DNAI3: variants seen among roughly 807,000 people sequenced by gnomAD.
DNAI3 encodes the protein WD repeat domain 63.
Under a neutral mutation model 115.5 loss-of-function variants are expected in DNAI3, and 83 were observed. The ratio of observed to expected loss-of-function variants is 0.72; its 90% CI spans 0.60 to 0.86. The LOEUF (loss-of-function observed/expected upper bound fraction) is 0.86, where lower values mean the gene tolerates loss of function less well. Among genes scored for constraint, DNAI3 ranks in the 40% least tolerant of loss-of-function variants. The pLI is 0.00. For missense variants in DNAI3, 1,004 were observed against 1,075.8 expected (o/e 0.93, Z 0.93); for synonymous variants, 320 against 347.0 (o/e 0.92, Z 0.86).
At chr1:85,090,270 A>T (rs1008049575) in intron 8 of DNAI3, 38 bp downstream of exon 8, 1 of 1,207,142 alleles carries the variant, frequency 8.3e-7, no homozygotes, top group African/African-American at 1.6e-5. Flanking sequence ...AATAAAACAT[A>T]AAATGTATAT....
In DNAI3 at chr1:85,132,959, C is replaced by T. The variant is rs772419181; in HGVS notation, c.2637C>T (p.Ile879=). The part of the protein sequence containing the change: ...EKTVLINLGL[I]KVTEKGSYME... ...CTGTTCTTATCAACCTTGGCCTAAT[C>T]AAAGTCACAGAGAAGGGGTCATACA... Residue 879 remains isoleucine, a synonymous_variant, in exon 23 of 23, where the codon ATC becomes ATT. Coordinates refer to ENST00000294664, the MANE Select transcript of DNAI3 (RefSeq NM_145172.5). The T allele has an allele frequency of 8.1e-6, 13 of 1,613,764 alleles. No individual in the cohort carries two copies. In the East Asian group the frequency reaches 2.9e-4, roughly 36 times the overall value.
intron 20 of DNAI3, 51 bp from the exon 21 acceptor site, chr1:85,128,657 A>ATGGTTTTC: frequency 6.8e-7 from 1 of 1,471,314 alleles, no homozygotes; most frequent in Non-Finnish European, 9.4e-7. Context: ...ACTGCTTAAG[A>ATGGTTTTC]TGGTTTTCTG....
chr1:85,071,200 C>T (rs150146848), intron 1 of DNAI3, among the ~76,000 whole-genome samples: 66 of 152,308 alleles, frequency 4.3e-4, no homozygotes, highest in African/African-American at 1.4e-3. Flanking sequence ...CAAGGTTACT[C>T]AGCTGGAAGA....
intron 7 of DNAI3, 99 bp from the exon 8 acceptor site, chr1:85,090,017 A>G (rs919540828): frequency 1.7e-5 from 8 of 466,448 alleles, no homozygotes; most frequent in African/African-American, 1.6e-4. Context: ...ATAATATCCT[A>G]ACATCATTGT....
chr1:85,103,406 G>T (rs1655386893), intron 13 of DNAI3, among the ~76,000 whole-genome samples: 1 of 151,980 alleles, frequency 6.6e-6, no homozygotes. Flanking sequence ...CAACAGTCAT[G>T]GCACACTTTT....
chr1:85,095,389 T>C (rs1655094331), intron 10 of DNAI3, among the ~76,000 whole-genome samples: 1 of 152,196 alleles, frequency 6.6e-6, no homozygotes, highest in African/African-American at 2.4e-5. Flanking sequence ...TAATAGATTC[T>C]AGATACTTTA....
intron 5 of DNAI3, among the ~76,000 whole-genome samples, chr1:85,083,631 AAAAACTACAGAGTAGTATAAC>A (rs951812813): frequency 2.0e-5 from 3 of 151,904 alleles, no homozygotes; most frequent in African/African-American, 7.3e-5. Flanking sequence ...AATGTTTAGA[AAAAACTACAGAGTAGTATAAC>A]AAATATCTAC....
intron 16 of DNAI3, among the ~76,000 whole-genome samples, chr1:85,116,833 T>C (rs1655833158): frequency 1.3e-5 from 2 of 152,188 alleles, no homozygotes; most frequent in African/African-American, 2.4e-5. Context: ...TGGGAAAAGA[T>C]ACGTCTCAAA....
chr1:85,069,034 GA>G (rs1390056982), intron 1 of DNAI3, among the ~76,000 whole-genome samples: 1 of 152,226 alleles, frequency 6.6e-6, no homozygotes, highest in Non-Finnish European at 1.5e-5. Context: ...AGCATGAGAA[GA>G]AATAAATGTT....
chr1:85,091,595 T>C (rs907922681), intron 8 of DNAI3, among the ~76,000 whole-genome samples: 1 of 152,260 alleles, frequency 6.6e-6, no homozygotes, highest in African/African-American at 2.4e-5. Flanking sequence ...GATTTTGTTC[T>C]GGAAGAAAGC....
Position 85,126,531 on chromosome 1 carries a change from A to G in DNAI3, c.2133A>G (p.Ser711=), listed in dbSNP as rs1432641217. 6.2e-7 allele frequency: 1 copy of G among 1,614,088 alleles called. No individual in the cohort carries two copies. Among genetic ancestry groups the G allele is most frequent in the Non-Finnish European group, 8.5e-7 (1 of 1,179,984 alleles). The part of the protein sequence containing the change: ...EGVMTGPLLQ[S]CCAPKRYTSG... ...TAAAGACTGGACCGCTCCTTCAGTC[A>G]TGCTGTGCACCAAAAAGGTACACCT... is the stretch of plus-strand genomic sequence containing the variant. The change falls in exon 20 of 23, where the codon TCA becomes TCG. Residue 711 remains serine (S), a synonymous_variant. Transcript: ENST00000294664.
rs151321014 is a variant in DNAI3 at position 85,126,576 on chromosome 1, T to C, written c.2178T>C (p.Thr726=). ...ACACCTCAGGCCACTGGTCCCTGAC[T>C]CGGCCCGGAGTTTTCTACATCGGCC... is the stretch of plus-strand genomic sequence containing the variant. The part of the protein sequence containing the change: ...KRYTSGHWSL[T]RPGVFYIGRE... Residue 726 remains threonine (T), a synonymous_variant, in exon 20 of 23, where the codon ACT becomes ACC. Coordinates refer to ENST00000294664, the MANE Select transcript of DNAI3 (RefSeq NM_145172.5). 8.1e-5 allele frequency: 130 copies of C among 1,614,160 alleles called. No individual in the cohort carries two copies. In the African/African-American group the frequency reaches 1.6e-3, roughly 20 times the overall value.
chr1:85,084,173 A>ATATATG (rs10679646), intron 5 of DNAI3, among the ~76,000 whole-genome samples: 9 of 139,910 alleles, frequency 6.4e-5, no homozygotes, highest in African/African-American at 1.6e-4. Flanking sequence ...GTATATATAT[A>ATATATG]TGTGTGTGTG....
intron 1 of DNAI3, among the ~76,000 whole-genome samples, chr1:85,068,759 A>G (rs1654175220): frequency 6.6e-6 from 1 of 152,154 alleles, no homozygotes; most frequent in Non-Finnish European, 1.5e-5. Flanking sequence ...CTGTAAGAGG[A>G]TCATACATTC....
In DNAI3 at chr1:85,117,865, T is replaced by C. The variant is rs1655878707; in HGVS notation, c.1917+6T>C. ...AGTTCTTTGTGGGAACAGAGGTAAATTGGGATTATCTGCTTTTAAAATTAA... is the reference window on the plus strand; with the variant it reads ...AGTTCTTTGTGGGAACAGAGGTAAACTGGGATTATCTGCTTTTAAAATTAA... On this transcript the variant is annotated splice_donor_region_variant and intron_variant, in intron 17 of 22. Coordinates refer to ENST00000294664, the MANE Select transcript of DNAI3 (RefSeq NM_145172.5). The C allele has an allele frequency of 6.2e-7, 1 of 1,610,766 alleles. No homozygotes were observed. Among genetic ancestry groups the C allele is most frequent in the Non-Finnish European group, 8.5e-7 (1 of 1,178,052 alleles).
intron 1 of DNAI3, among the ~76,000 whole-genome samples, chr1:85,070,024 A>G (rs543736596): frequency 1.3e-5 from 2 of 152,204 alleles, no homozygotes; most frequent in East Asian, 3.9e-4. Context: ...GCACTTTGGG[A>G]GGCCGAGGCG....
rs966592115 is a variant in DNAI3 at position 85,090,317 on chromosome 1, A to C, written c.857+85A>C. 4.7e-6 allele frequency: 3 copies of C among 639,030 alleles called. No individual in the cohort carries two copies. The African/African-American group carries it at 5.7e-5, about 12-fold the overall frequency. 39.6% of individuals were successfully genotyped at this position (639,030 alleles called of 1,614,324 possible). ...ATAACAGGTCTAAATAAACAATTCC[A>C]TATAGGGTATCTAGATAAAAAGTAT... On this transcript the variant is annotated intron_variant, in intron 8 of 22. Coordinates refer to ENST00000294664, the MANE Select transcript of DNAI3 (RefSeq NM_145172.5).
intron 1 of DNAI3, among the ~76,000 whole-genome samples, chr1:85,068,724 C>T (rs1654173104): frequency 6.6e-6 from 1 of 152,170 alleles, no homozygotes; most frequent in South Asian, 2.1e-4. Flanking sequence ...CCAATTATAT[C>T]ATTCCCAGCC....
At chr1:85,096,064 C>T (rs1571176396) in intron 11 of DNAI3, 44 bp downstream of exon 11, 2 of 1,566,818 alleles carry the variant, frequency 1.3e-6, no homozygotes, top group African/African-American at 2.7e-5. Flanking sequence ...ATGTAGACAA[C>T]CTTTGGTAAT....
Sources: allele counts gnomAD v4.1 joint callset (sites outside exome capture counted in the v4.1 genomes callset), GRCh38; gene constraint gnomAD v4.1.1; transcripts MANE v1.5; gene names NCBI Gene and HGNC (gene_info 2026-07-23, HGNC 2026-07-21).